HELB: variants seen among roughly 807,000 people sequenced by gnomAD.
The protein encoded by HELB is DNA helicase B.
In HELB, 96 loss-of-function variants were observed where a neutral mutation model predicts 101.7. The observed-to-expected ratio is 0.94, with a 90% CI of 0.80 to 1.12. HELB has a LOEUF of 1.12. HELB is among the 50% of genes most tolerant of loss of function. The probability of loss-of-function intolerance (pLI) is 0.00; values close to 1 mark genes in which losing one functional copy is unlikely to be tolerated. For synonymous variants in HELB, 437 were observed against 459.7 expected (o/e 0.95, Z 0.63); for missense variants, 1,210 against 1,291.9 (o/e 0.94, Z 0.97).
Position 66,310,021 on chromosome 12 carries a change from T to C in HELB, c.1093T>C (p.Phe365Leu). ...TTACCATGCTGAAAGAGCCATCGCC[T>C]TTTCAATTTGTGACCTGATGAAGAA... is the stretch of plus-strand genomic sequence containing the variant. ...DLYHAERAIA[F>L]SICDLMKKPP... The change falls in exon 4 of 13, where the codon TTT (phenylalanine) becomes CTT (leucine). Residue 365 changes from phenylalanine (F) to leucine (L), a missense_variant. Coordinates refer to ENST00000247815, the MANE Select transcript of HELB (RefSeq NM_001370285.1). The C allele has an allele frequency of 1.9e-6, 3 of 1,614,186 alleles. No individual in the cohort carries two copies. Among genetic ancestry groups the C allele is most frequent in the Non-Finnish European group, 2.5e-6 (3 of 1,180,030 alleles).
chr12:66,316,876 G>A (rs560212014), intron 6 of HELB, among the ~76,000 whole-genome samples: 59 of 151,962 alleles, frequency 3.9e-4, no homozygotes, highest in Middle Eastern at 3.4e-3. Flanking sequence ...AAAATTAGCC[G>A]GGCTTGGTGG....
intron 2 of HELB, among the ~76,000 whole-genome samples, chr12:66,305,932 T>C (rs2053470191): frequency 6.6e-6 from 1 of 152,184 alleles, no homozygotes; most frequent in Non-Finnish European, 1.5e-5. Flanking sequence ...TCAAATAAAT[T>C]TGATGGTACA....
chr12:66,324,976 G>A lies in HELB; in HGVS notation c.2527-7G>A. The A allele has an allele frequency of 6.2e-7, 1 of 1,612,146 alleles. No individual in the cohort carries two copies. The highest frequency in any genetic ancestry group is 8.5e-7 in the Non-Finnish European group (1 of 1,178,444). On this transcript the variant is annotated splice_region_variant and splice_polypyrimidine_tract_variant and intron_variant, in intron 10 of 12. Coordinates refer to ENST00000247815, the MANE Select transcript of HELB (RefSeq NM_001370285.1). ...GTATGCAAAATAGTTCTTTGGTTTG[G>A]TGACAGGATGTAACTGATGTAACTT...
At position 66,318,713 on chromosome 12, in the gene HELB, T is replaced by G. The variant is rs1167341493; in HGVS notation, c.2076T>G (p.Ile692Met). 6.2e-7 allele frequency: 1 copy of G among 1,610,616 alleles called. No homozygotes were observed. Residue 692 changes from isoleucine to methionine, a missense_variant, in exon 7 of 13, where the codon ATT (isoleucine) becomes ATG (methionine). Ile to Met is a conservative substitution (Grantham distance 10). Around this residue, in one of 2 missense-constraint regions of HELB, gnomAD observed 740 missense variants for 728.8 expected, o/e 1.02. Transcript: ENST00000247815. Reference protein sequence around the residue: ...ISDNPTLPISIQDKTFIFVRL... With the variant: ...ISDNPTLPISMQDKTFIFVRL... ...ATAATCCAACATTACCCATCTCAAT[T>G]CAAGATAAGACATTTATTTTTGTCA...
intron 12 of HELB, among the ~76,000 whole-genome samples, chr12:66,335,846 A>G (rs2053860853): frequency 6.6e-6 from 1 of 152,162 alleles, no homozygotes; most frequent in African/African-American, 2.4e-5. Context: ...AAGCAGTTCC[A>G]AGCTGATCAC....
chr12:66,319,275 G>A (rs1190157987), intron 7 of HELB, among the ~76,000 whole-genome samples: 1 of 152,156 alleles, frequency 6.6e-6, no homozygotes, highest in Non-Finnish European at 1.5e-5. Flanking sequence ...TATAAAATGG[G>A]TAAACGCATG....
chr12:66,326,071 T>G (rs556126222), intron 11 of HELB, among the ~76,000 whole-genome samples: 1 of 152,332 alleles, frequency 6.6e-6, no homozygotes, highest in East Asian at 1.9e-4. Context: ...GTTTTTCCAT[T>G]AATGTCCTTT....
intron 2 of HELB, 80 bp downstream of exon 2, chr12:66,305,230 A>G (rs868070048): frequency 2.3e-6 from 2 of 873,392 alleles, no homozygotes; most frequent in Middle Eastern, 2.3e-4. Flanking sequence ...TACCACTAGC[A>G]TAGTATTCTT....
chr12:66,304,954 C>T lies in HELB; in HGVS notation c.411C>T (p.Ser137=). Residue 137 remains serine (S), a synonymous_variant, in exon 2 of 13, where the codon TCC becomes TCT. Transcript: ENST00000247815. Reference sequence around the variant, plus strand: ...TCTTTCTTAAAGAGTGTGAGGTCTCCAGTGATGATGTTAATAAATTTTTAA... The same window carrying T: ...TCTTTCTTAAAGAGTGTGAGGTCTCTAGTGATGATGTTAATAAATTTTTAA... The part of the protein sequence containing the change: ...CALFLKECEV[S]SDDVNKFLTW... 18 of 1,613,884 alleles carry T rather than the reference C, an allele frequency of 1.1e-5. No homozygotes were observed. The highest frequency in any genetic ancestry group is 1.4e-5 in the Non-Finnish European group (17 of 1,179,868).
At chr12:66,305,951 T>C (rs1473215327) in intron 2 of HELB, among the ~76,000 whole-genome samples, 1 of 152,208 alleles carries the variant, frequency 6.6e-6, no homozygotes, top group Admixed American at 6.5e-5. Flanking sequence ...CATCAATGAA[T>C]GATTTCAATG....
At chr12:66,327,068 T>A (rs865965700) in intron 11 of HELB, among the ~76,000 whole-genome samples, 111 of 104,444 alleles carry the variant, frequency 1.1e-3, no homozygotes, top group South Asian at 2.2e-3. Context: ...AAAAAAAAAA[T>A]ATATATATAT....
intron 12 of HELB, 86 bp downstream of exon 12, chr12:66,331,731 G>A: frequency 8.1e-7 from 1 of 1,239,258 alleles, no homozygotes; most frequent in Non-Finnish European, 1.1e-6. Context: ...GCTTTTATTA[G>A]TGTTGCATTG....
Position 66,321,948 on chromosome 12 carries a change from G to A in HELB, c.2156G>A (p.Cys719Tyr). 1 of 1,053,268 alleles carries A rather than the reference G, an allele frequency of 9.5e-7. No homozygotes were observed. Among genetic ancestry groups the A allele is most frequent in the Non-Finnish European group, 1.4e-6 (1 of 700,710 alleles). The allele number at this position is 1,053,268 out of a possible 1,614,324, so 65.2% of individuals were successfully genotyped here. A position where few individuals can be genotyped will look rare whatever the true frequency, so the allele number is the denominator to read the frequency against. Reference protein sequence around the residue: ...SQSSKTNHHSCLYSAVKTLLQ... With the variant: ...SQSSKTNHHSYLYSAVKTLLQ... ...TAACTTTTTTCTCTTGAATTATTAG[G>A]TTTATATTCTGCAGTTAAAACTTTA... The change falls in exon 8 of 13, where the codon TGT (cysteine) becomes TAT (tyrosine). Residue 719 changes from cysteine to tyrosine, a missense_variant and splice_region_variant. This residue lies in a region of HELB where 740 missense variants were observed against 728.8 expected (regional missense o/e 1.02). Transcript: ENST00000247815.
In HELB at chr12:66,324,063, C is replaced by G; in HGVS notation, c.2378C>G (p.Pro793Arg). 1 of 1,613,544 alleles carries G rather than the reference C, an allele frequency of 6.2e-7. No homozygotes were observed. The highest frequency in any genetic ancestry group is 1.3e-5 in the African/African-American group (1 of 74,958). The change falls in exon 10 of 13, where the codon CCT (proline) becomes CGT (arginine). Residue 793 changes from proline to arginine, a missense_variant. By Grantham distance (103) the Pro-to-Arg change is moderately radical. This residue lies in a region of HELB where 740 missense variants were observed against 728.8 expected (regional missense o/e 1.02). Transcript: ENST00000247815. Reference protein sequence around the residue: ...TRNAYLSDLLPENISGSQQNN... With the variant: ...TRNAYLSDLLRENISGSQQNN... The stretch of plus-strand genomic sequence containing the variant: ...AATGCATACCTCTCAGACTTACTAC[C>G]TGAAAATATCTCTGGAAGTCAGCAA...
At chr12:66,304,600 C>A in intron 1 of HELB, 131 bp from the exon 2 acceptor site, 1 of 768,368 alleles carries the variant, frequency 1.3e-6, no homozygotes. Context: ...TTACAGGCAC[C>A]CTACCAGACA....
At chr12:66,343,572 T>C (rs2053932558) in exon 14 of HELB, 2 of 152,202 alleles carry the variant, frequency 1.3e-5, no homozygotes, top group African/African-American at 4.8e-5. Context: ...TGCTTGGTTC[T>C]TCTTTAATTC....
chr12:66,302,837 A>T (rs768689895), intron 1 of HELB, 47 bp downstream of exon 1: 1 of 1,506,026 alleles, frequency 6.6e-7, no homozygotes, highest in Non-Finnish European at 9.0e-7. Context: ...GGTCCAAAGT[A>T]GCGCTTCCCA....
In HELB at chr12:66,324,105, C is replaced by A; in HGVS notation, c.2420C>A (p.Ala807Asp). ...AGTCAGCAAAATAATGATCTAGATG[C>A]CAGTAGTGAAGACTTTTCTGGTACG... ...SGSQQNNDLD[A>D]SSEDFSGTLP... The change falls in exon 10 of 13, where the codon GCC becomes GAC. Residue 807 changes from alanine to aspartate, a missense_variant. Ala to Asp is a moderately radical substitution (Grantham distance 126). Transcript: ENST00000247815. 2 of 1,613,424 alleles carry A rather than the reference C, an allele frequency of 1.2e-6. No homozygotes were observed. Among genetic ancestry groups the A allele is most frequent in the Non-Finnish European group, 1.7e-6 (2 of 1,179,610 alleles).
chr12:66,318,208 T>G (rs1438529676), intron 6 of HELB, among the ~76,000 whole-genome samples: 1 of 152,206 alleles, frequency 6.6e-6, no homozygotes, highest in Non-Finnish European at 1.5e-5. Context: ...TGCCTCCCAA[T>G]TCTCCTGTTT....
Sources: gnomAD v4.1 joint callset for allele counts (sites outside exome capture counted in the v4.1 genomes callset) on GRCh38, gnomAD v4.1.1 for gene constraint, gnomAD v4.1.1 regional missense constraint, MANE v1.5 for transcripts, NCBI Gene and HGNC (gene_info 2026-07-23, HGNC 2026-07-21) for gene names.